The following ULK4 variants were observed in gnomAD, a reference collection of about 807,000 sequenced individuals.
The protein encoded by ULK4 is unc-51 like kinase 4.
A neutral mutation model predicts 160.6 loss-of-function variants in ULK4; 133 were observed. That is an observed-to-expected ratio of 0.83 (90% CI 0.72 to 0.96). The LOEUF (loss-of-function observed/expected upper bound fraction) is 0.96, where lower values mean the gene tolerates loss of function less well. Ranked by LOEUF, ULK4 falls within the 40% of genes least tolerant of loss-of-function variation. ULK4 has a pLI of 0.00. For synonymous variants in ULK4, 534 were observed against 539.8 expected (o/e 0.99, Z 0.15); for missense variants, 1,580 against 1,499.5 (o/e 1.05, Z -0.89).
chr3:41,756,967 T>C (rs1463948505), intron 21 of ULK4, among the ~76,000 whole-genome samples: 1 of 151,974 alleles, frequency 6.6e-6, no homozygotes, highest in Non-Finnish European at 1.5e-5. Flanking sequence ...CGTAAATAAT[T>C]AGAAAGAACA....
intron 22 of ULK4, among the ~76,000 whole-genome samples, chr3:41,743,827 G>A (rs1467339364): frequency 2.0e-5 from 3 of 151,712 alleles, no homozygotes; most frequent in Non-Finnish European, 4.4e-5. Context: ...AACCATGCAC[G>A]GCTAATCTTT....
intron 32 of ULK4, among the ~76,000 whole-genome samples, chr3:41,537,389 C>G (rs1450762534): frequency 6.6e-6 from 1 of 152,148 alleles, no homozygotes; most frequent in Non-Finnish European, 1.5e-5. Flanking sequence ...GATATCCTCT[C>G]TATTAGGGGT....
At chr3:41,603,564 C>T (rs541535669) in intron 31 of ULK4, among the ~76,000 whole-genome samples, 18 of 151,952 alleles carry the variant, frequency 1.2e-4, no homozygotes, top group African/African-American at 3.9e-4. Flanking sequence ...CATCCATAAA[C>T]ATAGATGCCT....
chr3:41,742,271 C>T (rs1029573027), intron 22 of ULK4, among the ~76,000 whole-genome samples: 9 of 151,970 alleles, frequency 5.9e-5, no homozygotes, highest in African/African-American at 1.5e-4. Flanking sequence ...AACAGTTACC[C>T]AATTCCCCTG....
intron 25 of ULK4, among the ~76,000 whole-genome samples, chr3:41,706,386 T>TTATA (rs1323756056): frequency 4.1e-4 from 60 of 145,608 alleles, no homozygotes; most frequent in Middle Eastern, 3.6e-3. Flanking sequence ...ATATATATAT[T>TTATA]TATATATATT....
chr3:41,881,837 G>A (rs949298353), intron 17 of ULK4, among the ~76,000 whole-genome samples: 1 of 152,152 alleles, frequency 6.6e-6, no homozygotes, highest in African/African-American at 2.4e-5. Flanking sequence ...TCTCAGTTGA[G>A]GCAGCACCAG....
At chr3:41,649,427 G>A (rs1342361901) in intron 30 of ULK4, among the ~76,000 whole-genome samples, 3 of 152,074 alleles carry the variant, frequency 2.0e-5, no homozygotes, top group Admixed American at 6.5e-5. Context: ...TCCAGACCCT[G>A]GCACCCCTGT....
intron 35 of ULK4, among the ~76,000 whole-genome samples, chr3:41,285,130 C>G (rs1042942467): frequency 6.6e-6 from 1 of 152,066 alleles, no homozygotes; most frequent in South Asian, 2.1e-4. Context: ...GCACTTCTGC[C>G]CTGCTGGTGG....
chr3:41,809,986 C>A (rs2040769554), intron 19 of ULK4, among the ~76,000 whole-genome samples: 1 of 152,158 alleles, frequency 6.6e-6, no homozygotes, highest in Non-Finnish European at 1.5e-5. Flanking sequence ...AATAAGATGA[C>A]AGCTAATTGA....
intron 19 of ULK4, among the ~76,000 whole-genome samples, chr3:41,812,759 C>T (rs1055764150): frequency 6.6e-6 from 1 of 152,156 alleles, no homozygotes. Flanking sequence ...CAAGTTTGTG[C>T]CCATTAGCAA....
chr3:41,887,013 TC>T, intron 16 of ULK4, among the ~76,000 whole-genome samples: 1 of 152,116 alleles, frequency 6.6e-6, no homozygotes, highest in East Asian at 1.9e-4. Context: ...CATTCAAGCA[TC>T]CTAAATAAAA....
chr3:41,378,237 G>T (rs1264078592), intron 35 of ULK4, among the ~76,000 whole-genome samples: 3 of 119,198 alleles, frequency 2.5e-5, no homozygotes, highest in Non-Finnish European at 3.4e-5. Context: ...GGTGGGGGGA[G>T]GGGGGAGGGA....
intron 35 of ULK4, among the ~76,000 whole-genome samples, chr3:41,283,974 A>AAATG (rs2079412739): frequency 6.6e-6 from 1 of 150,848 alleles, no homozygotes; most frequent in Non-Finnish European, 1.5e-5. Flanking sequence ...AAAAATAAAT[A>AAATG]AATAAATAAA....
At chr3:41,786,598 C>CAAAAAAAA (rs34207417) in intron 21 of ULK4, among the ~76,000 whole-genome samples, 1 of 64,140 alleles carries the variant, frequency 1.6e-5, no homozygotes, top group African/African-American at 4.3e-5. Context: ...ATCCTGTCTC[C>CAAAAAAAA]AAAAAAAAAA....
At chr3:41,705,758 G>T (rs997185272) in intron 25 of ULK4, among the ~76,000 whole-genome samples, 3 of 152,054 alleles carry the variant, frequency 2.0e-5, no homozygotes, top group African/African-American at 7.2e-5. Flanking sequence ...GCCTCCCAAA[G>T]AATCATTTTT....
chr3:41,652,449 C>G (rs1023506189), intron 30 of ULK4, among the ~76,000 whole-genome samples: 3 of 152,044 alleles, frequency 2.0e-5, no homozygotes, highest in Non-Finnish European at 4.4e-5. Context: ...TTTGTTTCTG[C>G]AGGAGATACA....
chr3:41,892,368 T>C (rs1288692537), intron 16 of ULK4, among the ~76,000 whole-genome samples: 1 of 152,180 alleles, frequency 6.6e-6, no homozygotes, highest in Admixed American at 6.5e-5. Context: ...AGGATAGCTG[T>C]TAGCAAAAAA....
chr3:41,840,965 G>A (rs555361305), intron 17 of ULK4, among the ~76,000 whole-genome samples: 1 of 150,932 alleles, frequency 6.6e-6, no homozygotes, highest in Non-Finnish European at 1.5e-5. Flanking sequence ...TGGGAAGTGA[G>A]GAGCGCCTCT....
chr3:41,348,688 T>C (rs1330768301), intron 35 of ULK4, among the ~76,000 whole-genome samples: 1 of 152,212 alleles, frequency 6.6e-6, no homozygotes, highest in Non-Finnish European at 1.5e-5. Context: ...ATTAGTTTTA[T>C]AGCAGGAAAA....
Sources: gnomAD v4.1 joint callset for allele counts (sites outside exome capture counted in the v4.1 genomes callset) on GRCh38, gnomAD v4.1.1 for gene constraint, MANE v1.5 for transcripts, NCBI Gene and HGNC (gene_info 2026-07-23, HGNC 2026-07-21) for gene names.